The following NPAS3 variants were observed in gnomAD, a reference collection of about 807,000 sequenced individuals.
NPAS3 encodes neuronal PAS domain protein 3, also known as neuronal PAS domain-containing protein 3.
NPAS3 carries 14 observed loss-of-function variants against 73.1 expected under a neutral mutation model. The ratio of observed to expected loss-of-function variants is 0.19; its 90% CI spans 0.13 to 0.30. The LOEUF is 0.30. NPAS3 is among the 10% of genes least tolerant of loss of function. The pLI is 1.00. For missense variants in NPAS3, 1,096 were observed against 1,250.0 expected, an observed-to-expected ratio of 0.88 and a Z score of 1.86; for synonymous variants, 620 against 541.5, an observed-to-expected ratio of 1.14 and a Z score of -2.01.
At chr14:33,192,163 T>C (rs2046194057) in intron 2 of NPAS3, among the ~76,000 whole-genome samples, 1 of 152,184 alleles carries the variant, frequency 6.6e-6, no homozygotes, top group Non-Finnish European at 1.5e-5. Context: ...AATTATGTGA[T>C]CACTTTAAAC....
chr14:33,510,283 G>A (rs2052982611), intron 4 of NPAS3, among the ~76,000 whole-genome samples: 1 of 151,892 alleles, frequency 6.6e-6, no homozygotes, highest in Non-Finnish European at 1.5e-5. Context: ...CACCCTTTAG[G>A]GGCCTCCACA....
chr14:33,151,271 A>C (rs1767440875), intron 2 of NPAS3, among the ~76,000 whole-genome samples: 1 of 152,196 alleles, frequency 6.6e-6, no homozygotes, highest in Non-Finnish European at 1.5e-5. Context: ...CTCGGTTGCT[A>C]GTTGAGAAAG....
chr14:33,531,793 C>G (rs1211774013), intron 4 of NPAS3, among the ~76,000 whole-genome samples: 1 of 152,084 alleles, frequency 6.6e-6, no homozygotes, highest in African/African-American at 2.4e-5. Context: ...ATTTTGCGTT[C>G]CCATCAAGTG....
At chr14:33,263,224 G>T (rs1245903194) in intron 3 of NPAS3, among the ~76,000 whole-genome samples, 3 of 152,052 alleles carry the variant, frequency 2.0e-5, no homozygotes, top group East Asian at 1.9e-4. Flanking sequence ...TATTGCCTAG[G>T]TTTTCTTCTA....
chr14:33,029,394 G>T (rs1435226346), intron 1 of NPAS3, among the ~76,000 whole-genome samples: 1 of 152,064 alleles, frequency 6.6e-6, no homozygotes, highest in East Asian at 1.9e-4. Flanking sequence ...AAGTGAAGGG[G>T]ATCATCTAAT....
At chr14:33,642,378 C>G (rs1442206321) in intron 5 of NPAS3, among the ~76,000 whole-genome samples, 2 of 152,078 alleles carry the variant, frequency 1.3e-5, no homozygotes, top group Non-Finnish European at 2.9e-5. Flanking sequence ...ATTCAGCAAG[C>G]GGCAATAGAT....
chr14:33,485,117 A>C (rs1056937512), intron 4 of NPAS3, among the ~76,000 whole-genome samples: 14 of 152,230 alleles, frequency 9.2e-5, no homozygotes, highest in African/African-American at 3.4e-4. Context: ...CCCAAGACTC[A>C]TGCTAGCTTT....
chr14:33,376,356 G>T (rs2046312802), intron 4 of NPAS3, among the ~76,000 whole-genome samples: 1 of 152,012 alleles, frequency 6.6e-6, no homozygotes, highest in Non-Finnish European at 1.5e-5. Context: ...GCACATTAGG[G>T]CTATTACTTT....
intron 3 of NPAS3, among the ~76,000 whole-genome samples, chr14:33,252,057 C>CTGTGTGTGTGTGTG (rs3057325): frequency 3.4e-5 from 5 of 145,212 alleles, no homozygotes; most frequent in African/African-American, 1.3e-4. Context: ...GTGTGTGTGT[C>CTGTGTGTGTGTGTG]TGTGTGTGTG....
At chr14:33,783,294 T>G (rs924811689) in intron 9 of NPAS3, among the ~76,000 whole-genome samples, 1 of 152,210 alleles carries the variant, frequency 6.6e-6, no homozygotes, top group Non-Finnish European at 1.5e-5. Context: ...GGGACTTTTT[T>G]CTGTTTTCTG....
At chr14:33,668,996 C>CA (rs1289849561) in intron 5 of NPAS3, among the ~76,000 whole-genome samples, 2 of 152,184 alleles carry the variant, frequency 1.3e-5, no homozygotes, top group African/African-American at 2.4e-5. Context: ...ACACTCATCT[C>CA]AACATGTATC....
intron 4 of NPAS3, among the ~76,000 whole-genome samples, chr14:33,371,503 T>A (rs1431490668): frequency 1.3e-5 from 2 of 152,188 alleles, no homozygotes; most frequent in African/African-American, 4.8e-5. Flanking sequence ...TCTTCAGCAA[T>A]CTCCTTTAAA....
intron 2 of NPAS3, among the ~76,000 whole-genome samples, chr14:33,092,509 G>A (rs2042262887): frequency 6.6e-6 from 1 of 152,184 alleles, no homozygotes; most frequent in Admixed American, 6.5e-5. Flanking sequence ...GTCGTGGATA[G>A]GAAGAATCAA....
At chr14:33,374,423 T>C (rs1449739660) in intron 4 of NPAS3, among the ~76,000 whole-genome samples, 1 of 152,118 alleles carries the variant, frequency 6.6e-6, no homozygotes, top group Non-Finnish European at 1.5e-5. Flanking sequence ...CATATAGTCT[T>C]TTGGTCCTGC....
chr14:33,495,823 G>A (rs990583967), intron 4 of NPAS3, among the ~76,000 whole-genome samples: 30 of 151,546 alleles, frequency 2.0e-4, no homozygotes, highest in African/African-American at 7.3e-4. Context: ...CTTTCCATTT[G>A]CTTGGTAAAT....
In NPAS3 at chr14:33,680,237, A is replaced by G. The variant is rs2297120; in HGVS notation, c.733+3852A>G. ...CATGCCTTTTAAATGCTTAGTAAAC[A>G]GAAAAGCAGCTCTCAAGAAATCCTG... On this transcript the variant is annotated intron_variant, in intron 6 of 11. Transcript: ENST00000356141. Among the ~76,000 whole-genome samples, 436 of 152,340 alleles carry G rather than the reference A, an allele frequency of 2.9e-3. 12 individuals are homozygous for G. The East Asian group carries it at 0.074, about 26-fold the overall frequency.
intron 5 of NPAS3, among the ~76,000 whole-genome samples, chr14:33,604,722 T>G (rs2057503170): frequency 6.6e-6 from 1 of 152,138 alleles, no homozygotes; most frequent in South Asian, 2.1e-4. Context: ...TACATCTTAA[T>G]GAATTTTAAA....
At chr14:33,567,497 A>G (rs2056016202) in intron 5 of NPAS3, among the ~76,000 whole-genome samples, 2 of 152,214 alleles carry the variant, frequency 1.3e-5, no homozygotes, top group African/African-American at 2.4e-5. Context: ...TGTTTGTGCA[A>G]TGGAGCACAG....
chr14:33,210,647 G>A (rs1322853072), intron 2 of NPAS3, among the ~76,000 whole-genome samples: 1 of 152,026 alleles, frequency 6.6e-6, no homozygotes, highest in Non-Finnish European at 1.5e-5. Context: ...ACCTTCAATA[G>A]CATTTTCACA....
Sources: allele counts gnomAD v4.1 joint callset (sites outside exome capture counted in the v4.1 genomes callset), GRCh38; gene constraint gnomAD v4.1.1; transcripts MANE v1.5; gene names NCBI Gene and HGNC (gene_info 2026-07-23, HGNC 2026-07-21).